ACLY: variants seen among roughly 807,000 people sequenced by gnomAD.
The protein encoded by ACLY is ATP citrate lyase.
A neutral mutation model predicts 133.0 loss-of-function variants in ACLY; 41 were observed. That is an observed-to-expected ratio of 0.31 (90% CI 0.24 to 0.40). The LOEUF (loss-of-function observed/expected upper bound fraction) is 0.40, where lower values mean the gene tolerates loss of function less well. Ranked by LOEUF, ACLY falls within the 10% of genes least tolerant of loss-of-function variation. ACLY has a pLI of 1.00. For missense variants in ACLY, 1,046 were observed against 1,453.8 expected (o/e 0.72, Z 4.56); for synonymous variants, 495 against 549.3 (o/e 0.90, Z 1.38).
chr17:41,885,328 T>A (rs1011568982), intron 18 of ACLY, among the ~76,000 whole-genome samples: 2 of 152,004 alleles, frequency 1.3e-5, no homozygotes, highest in African/African-American at 4.8e-5. Flanking sequence ...TTGGTGAGAG[T>A]TCTTCCTCAC....
At chr17:41,900,378 G>GA (rs2049503377) in intron 11 of ACLY, among the ~76,000 whole-genome samples, 2 of 30,952 alleles carry the variant, frequency 6.5e-5, no homozygotes, top group Non-Finnish European at 1.9e-4. Context: ...AAAAAAAAAA[G>GA]AAAAAAAAGA....
In ACLY at chr17:41,892,323, G is replaced by A; in HGVS notation, c.1726C>T (p.Arg576Cys). 4 of 1,608,912 alleles carry A rather than the reference G, an allele frequency of 2.5e-6. No homozygotes were observed. The highest frequency in any genetic ancestry group is 3.4e-6 in the Non-Finnish European group (4 of 1,179,124). Residue 576 changes from arginine (R) to cysteine (C), a missense_variant, in exon 16 of 29, where the codon CGC becomes TGC. Arg to Cys is a radical substitution (Grantham distance 180). Transcript: ENST00000352035. ...TCCATGGTGCTGTCATAGGCAGAGC[G>A]GAGAGAGGCAAAGTTGATGAGCACA... ...VDVLINFASL[R>C]SAYDSTMETM... is the part of the protein sequence containing the mutation.
rs782788159 is a variant in ACLY at position 41,878,828 on chromosome 17, G to A, written c.2362C>T (p.Arg788Trp). The A allele has an allele frequency of 2.3e-5, 37 of 1,613,862 alleles. No homozygotes were observed. Among genetic ancestry groups the A allele is most frequent in the African/African-American group, 5.3e-5 (4 of 74,890 alleles). Residue 788 changes from arginine to tryptophan, a missense_variant, in exon 21 of 29, where the codon CGG (arginine) becomes TGG (tryptophan). By Grantham distance (101) the Arg-to-Trp change is moderately radical. Around this residue, in one of 4 missense-constraint regions of ACLY, gnomAD observed 575 missense variants for 804.2 expected, o/e 0.71. Coordinates refer to ENST00000352035, the MANE Select transcript of ACLY (RefSeq NM_001096.3). The stretch of plus-strand genomic sequence containing the variant: ...ATCTCTCCAAGCTCATCAAAGCTCC[G>A]GGGCACAAACACTCCTGCTTCCTTC... ...ALKEAGVFVPRSFDELGEIIQ... is the reference protein window; with the variant it reads ...ALKEAGVFVPWSFDELGEIIQ...
intron 11 of ACLY, among the ~76,000 whole-genome samples, chr17:41,900,143 G>A (rs560421455): frequency 9.2e-5 from 13 of 140,924 alleles, no homozygotes; most frequent in African/African-American, 3.4e-4. Flanking sequence ...GTCTGATCAC[G>A]AGGTCAAGAG....
At chr17:41,918,258 G>A (rs1035081047) in intron 1 of ACLY, among the ~76,000 whole-genome samples, 5 of 152,244 alleles carry the variant, frequency 3.3e-5, no homozygotes, top group Non-Finnish European at 4.4e-5. Context: ...GTGCGAGGAG[G>A]GTCCTTGCTG....
intron 17 of ACLY, 140 bp downstream of exon 17, chr17:41,887,459 C>T: frequency 4.4e-6 from 3 of 684,352 alleles, no homozygotes; most frequent in Non-Finnish European, 7.6e-6. Flanking sequence ...TAAAAATGGA[C>T]AGACTGATTT....
chr17:41,867,018 CA>C lies in ACLY; in HGVS notation c.*791del, dbSNP rs2048486540. ...CCAGAATCTTTGTGGATTACAGATGCAAAGTAGTTAGGAGTCCTTGGACCCA... is the reference window on the plus strand; with the variant it reads ...CCAGAATCTTTGTGGATTACAGATGCAAGTAGTTAGGAGTCCTTGGACCCA... On this transcript the variant is annotated 3_prime_UTR_variant, in exon 29 of 29. Transcript: ENST00000352035. The C allele has an allele frequency of 1.3e-5, 2 of 152,604 alleles. No individual in the cohort carries two copies. The highest frequency in any genetic ancestry group is 3.9e-4 in the East Asian group (2 of 5,194). 9.5% of individuals were successfully genotyped at this position (152,604 alleles called of 1,614,324 possible).
chr17:41,873,695 C>T, intron 23 of ACLY, 116 bp downstream of exon 23: 1 of 1,224,538 alleles, frequency 8.2e-7, no homozygotes, highest in Non-Finnish European at 1.1e-6. Flanking sequence ...GACCTGTGGC[C>T]CCAAAGATTG....
chr17:41,898,574 C>T, intron 12 of ACLY, 57 bp downstream of exon 12: 1 of 1,588,946 alleles, frequency 6.3e-7, no homozygotes, highest in Middle Eastern at 2.2e-4. Context: ...AGACTGTATC[C>T]TAGTGGAAAA....
upstream of ACLY, among the ~76,000 whole-genome samples, chr17:41,919,685 GATTCCAGCGAAGGGCTGGAGCC>G (rs137856212): frequency 8.6e-4 from 131 of 152,338 alleles, 1 homozygote; most frequent in East Asian, 0.021. Context: ...TTCAATGCGA[GATTCCAGCGAAGGGCTGGAGCC>G]ATCCCAGACA....
At chr17:41,929,314 C>G (rs1402450307) in intron 1 of ACLY, among the ~76,000 whole-genome samples, 1 of 152,010 alleles carries the variant, frequency 6.6e-6, no homozygotes, top group Non-Finnish European at 1.5e-5. Context: ...AGACTGGTCT[C>G]GAACTCCTGA....
Position 41,913,915 on chromosome 17 carries a change from C to T in ACLY, c.-23-19G>A, listed in dbSNP as rs545196167. The T allele has an allele frequency of 3.1e-6, 5 of 1,612,774 alleles. No homozygotes were observed. The highest frequency in any genetic ancestry group is 4.2e-6 in the Non-Finnish European group (5 of 1,179,226). On this transcript the variant is annotated intron_variant, in intron 1 of 28. Transcript: ENST00000352035. ...GCTCTACCTGTCTGGGAGAGAGAAG[C>T]TGGTCAGAAGGGGGCAGGCGTGTGG...
chr17:41,916,420 C>T (rs2050054468), intron 1 of ACLY, among the ~76,000 whole-genome samples: 1 of 151,376 alleles, frequency 6.6e-6, no homozygotes, highest in South Asian at 2.1e-4. Context: ...GTCGCCCAGG[C>T]TGGCGTGCAG....
rs1555632452 is a variant in ACLY at position 41,905,488 on chromosome 17, TG to T, written c.1003+33del. On this transcript the variant is annotated intron_variant, in intron 9 of 28. Coordinates refer to ENST00000352035, the MANE Select transcript of ACLY (RefSeq NM_001096.3). The stretch of plus-strand genomic sequence containing the variant: ...AGCCTGCTGGGCTGTCCTGGGGAAG[TG>T]GGGACAGGTATGTGTGTGTGCAAGT... 4 of 1,613,624 alleles carry T rather than the reference TG, an allele frequency of 2.5e-6. No individual in the cohort carries two copies. In the Admixed American group the frequency reaches 6.7e-5, roughly 27 times the overall value.
chr17:41,912,674 T>C, intron 2 of ACLY, 132 bp from the exon 3 acceptor site: 2 of 1,164,366 alleles, frequency 1.7e-6, no homozygotes, highest in East Asian at 2.6e-5. Flanking sequence ...TAACCATCCT[T>C]CAGAGTCAAC....
chr17:41,869,446 G>A, intron 26 of ACLY, 28 bp downstream of exon 26: 1 of 1,569,126 alleles, frequency 6.4e-7, no homozygotes, highest in Non-Finnish European at 8.8e-7. Context: ...TCCAACGTGA[G>A]GGAATTAGGA....
intron 16 of ACLY, among the ~76,000 whole-genome samples, chr17:41,888,633 C>T (rs2049117538): frequency 6.6e-6 from 1 of 152,144 alleles, no homozygotes; most frequent in African/African-American, 2.4e-5. Flanking sequence ...TGCCTGTAAT[C>T]CCAGCACTTT....
intron 1 of ACLY, among the ~76,000 whole-genome samples, chr17:41,918,191 G>T (rs1567918057): frequency 1.3e-5 from 2 of 152,178 alleles, no homozygotes; most frequent in Non-Finnish European, 2.9e-5. Flanking sequence ...TCAGCTCAAG[G>T]GTGGGGTGGC....
At chr17:41,868,115 A>T (rs2048507859) in intron 28 of ACLY, among the ~76,000 whole-genome samples, 1 of 152,118 alleles carries the variant, frequency 6.6e-6, no homozygotes, top group African/African-American at 2.4e-5. Context: ...TTAAAACAAA[A>T]TTTTAAAGGG....
Sources: gnomAD v4.1 joint callset for allele counts (sites outside exome capture counted in the v4.1 genomes callset) on GRCh38, gnomAD v4.1.1 for gene constraint, gnomAD v4.1.1 regional missense constraint, MANE v1.5 for transcripts, NCBI Gene and HGNC (gene_info 2026-07-23, HGNC 2026-07-21) for gene names.